The following COL25A1 variants were observed in gnomAD, a reference collection of about 807,000 sequenced individuals.
COL25A1 encodes the protein collagen alpha-1(XXV) chain.
COL25A1 carries 103 observed loss-of-function variants against 128.4 expected under a neutral mutation model. The observed-to-expected ratio is 0.80, with a 90% confidence interval of 0.68 to 0.94. The LOEUF (loss-of-function observed/expected upper bound fraction) is 0.94. Ranked by LOEUF, COL25A1 falls within the 40% of genes least tolerant of loss-of-function variation. The probability of loss-of-function intolerance (pLI) is 0.00; values close to 1 mark genes in which losing one functional copy is unlikely to be tolerated. For missense variants in COL25A1, 745 were observed against 840.0 expected (o/e 0.89, Z 1.40); for synonymous variants, 279 against 277.2 (o/e 1.01, Z -0.06).
chr4:109,277,572 CCAGA>C (rs1192001546), intron 3 of COL25A1, among the ~76,000 whole-genome samples: 3 of 152,088 alleles, frequency 2.0e-5, no homozygotes, highest in African/African-American at 7.2e-5. Context: ...AACAACGTCC[CCAGA>C]CAACCTGTAT....
At chr4:108,899,730 G>C (rs1351165270) in intron 14 of COL25A1, among the ~76,000 whole-genome samples, 1 of 152,076 alleles carries the variant, frequency 6.6e-6, no homozygotes, top group Admixed American at 6.6e-5. Context: ...CTGGTAAAGA[G>C]CATGTTCCAG....
At chr4:109,251,039 T>C (rs1348102681) in intron 3 of COL25A1, among the ~76,000 whole-genome samples, 1 of 152,224 alleles carries the variant, frequency 6.6e-6, no homozygotes, top group African/African-American at 2.4e-5. Flanking sequence ...TCCCATAATT[T>C]AAATACTATG....
chr4:108,836,312 T>C (rs1343622917), intron 31 of COL25A1, among the ~76,000 whole-genome samples: 1 of 152,218 alleles, frequency 6.6e-6, no homozygotes, highest in Admixed American at 6.5e-5. Flanking sequence ...GGGCAGACTT[T>C]AAATAAATCA....
intron 3 of COL25A1, among the ~76,000 whole-genome samples, chr4:109,192,688 T>A (rs959004463): frequency 4.6e-5 from 7 of 151,718 alleles, no homozygotes; most frequent in Non-Finnish European, 7.4e-5. Flanking sequence ...CCTGTCTCTA[T>A]TAAAATTACA....
At chr4:109,065,749 GTCTAA>G (rs1762396003) in intron 3 of COL25A1, among the ~76,000 whole-genome samples, 1 of 152,090 alleles carries the variant, frequency 6.6e-6, no homozygotes, top group Non-Finnish European at 1.5e-5. Flanking sequence ...GACTATGCCA[GTCTAA>G]TGACTATCTC....
At chr4:109,070,941 G>A (rs1762913358) in intron 3 of COL25A1, among the ~76,000 whole-genome samples, 1 of 151,980 alleles carries the variant, frequency 6.6e-6, no homozygotes. Context: ...ATCATTGATG[G>A]ACATTTGGGT....
chr4:109,112,731 A>C (rs1767144090), intron 3 of COL25A1, among the ~76,000 whole-genome samples: 1 of 152,174 alleles, frequency 6.6e-6, no homozygotes, highest in Non-Finnish European at 1.5e-5. Flanking sequence ...GTATAATTAC[A>C]GAGCAAAGTG....
intron 3 of COL25A1, among the ~76,000 whole-genome samples, chr4:109,083,996 TG>T (rs1764126666): frequency 6.6e-6 from 1 of 152,200 alleles, no homozygotes; most frequent in Non-Finnish European, 1.5e-5. Flanking sequence ...TGTAGCATTT[TG>T]TTTTGTTTTA....
chr4:108,861,013 G>A, intron 22 of COL25A1, 42 bp from the exon 23 acceptor site: 6 of 1,555,586 alleles, frequency 3.9e-6, no homozygotes, highest in South Asian at 1.1e-5. Context: ...CAGAAGTGGG[G>A]GAATCTAGAA....
chr4:109,282,666 T>C (rs1723485764), intron 3 of COL25A1, among the ~76,000 whole-genome samples: 1 of 152,238 alleles, frequency 6.6e-6, no homozygotes. Flanking sequence ...ACAGTGCTGG[T>C]GGGGATACCT....
chr4:109,101,241 G>A (rs962903713), intron 3 of COL25A1, among the ~76,000 whole-genome samples: 6 of 152,182 alleles, frequency 3.9e-5, no homozygotes, highest in Non-Finnish European at 8.8e-5. Flanking sequence ...CAAATACTGT[G>A]TGATTTCTCC....
chr4:109,258,238 A>T (rs111626533), intron 3 of COL25A1, among the ~76,000 whole-genome samples: 5 of 152,330 alleles, frequency 3.3e-5, no homozygotes, highest in African/African-American at 1.2e-4. Context: ...ACCATATTAC[A>T]CTTCTGTGCA....
chr4:108,934,777 C>T (rs560870809), intron 11 of COL25A1, among the ~76,000 whole-genome samples: 16 of 152,282 alleles, frequency 1.1e-4, no homozygotes, highest in African/African-American at 3.4e-4. Context: ...TTCCCTGGCA[C>T]ATTCAAAATA....
At chr4:109,037,186 A>G (rs1218962581) in intron 5 of COL25A1, among the ~76,000 whole-genome samples, 1 of 152,196 alleles carries the variant, frequency 6.6e-6, no homozygotes, top group Non-Finnish European at 1.5e-5. Flanking sequence ...ATTGTTTTTA[A>G]ATTTGTAGTT....
chr4:109,065,527 G>A, intron 3 of COL25A1, among the ~76,000 whole-genome samples: 1 of 140,330 alleles, frequency 7.1e-6, no homozygotes, highest in African/African-American at 2.9e-5. Flanking sequence ...CCTTTTTGGT[G>A]CAGCACGCGC....
chr4:108,849,259 C>T (rs1476005061), intron 26 of COL25A1, among the ~76,000 whole-genome samples: 2 of 152,050 alleles, frequency 1.3e-5, no homozygotes, highest in Non-Finnish European at 2.9e-5. Flanking sequence ...CATGAATTTT[C>T]AACAATATTT....
intron 8 of COL25A1, among the ~76,000 whole-genome samples, chr4:108,956,492 A>G (rs10010326): frequency 0.044 from 6,628 of 152,088 alleles, 370 homozygotes; most frequent in African/African-American, 0.13. Flanking sequence ...TGCAAACTCC[A>G]CCTCCCAGGT....
At chr4:109,147,311 A>G (rs1288771425) in intron 3 of COL25A1, among the ~76,000 whole-genome samples, 3 of 152,190 alleles carry the variant, frequency 2.0e-5, no homozygotes, top group Admixed American at 6.5e-5. Flanking sequence ...GGGCTTCCCC[A>G]TCAACCACCC....
chr4:109,266,864 C>T (rs1781834098), intron 3 of COL25A1, among the ~76,000 whole-genome samples: 1 of 152,152 alleles, frequency 6.6e-6, no homozygotes, highest in Admixed American at 6.6e-5. Flanking sequence ...GGAGCCTTTG[C>T]TATTGCACTC....
Sources: gnomAD v4.1 joint callset for allele counts (sites outside exome capture counted in the v4.1 genomes callset) on GRCh38, gnomAD v4.1.1 for gene constraint, MANE v1.5 for transcripts, NCBI Gene and HGNC (gene_info 2026-07-23, HGNC 2026-07-21) for gene names.